TNKS2: variants seen among roughly 807,000 people sequenced by gnomAD.
TNKS2 encodes the protein poly [ADP-ribose] polymerase tankyrase-2.
In TNKS2, 72 loss-of-function variants were observed where a neutral mutation model predicts 137.6. That is an observed-to-expected ratio of 0.52 (90% CI 0.43 to 0.64). The LOEUF (loss-of-function observed/expected upper bound fraction) is 0.64. TNKS2 is among the 30% of genes least tolerant of loss of function. TNKS2 has a pLI of 0.00. For synonymous variants in TNKS2, 516 were observed against 512.1 expected (o/e 1.01, Z -0.10); for missense variants, 1,049 against 1,410.2 (o/e 0.74, Z 4.10).
chr10:91,852,684 C>T (rs931487034), intron 21 of TNKS2, among the ~76,000 whole-genome samples: 2 of 152,226 alleles, frequency 1.3e-5, no homozygotes, highest in African/African-American at 4.8e-5. Context: ...CCTGGCTGTA[C>T]ACCTGGGGTT....
chr10:91,860,221 C>G (rs576357487), intron 25 of TNKS2, among the ~76,000 whole-genome samples: 1 of 152,084 alleles, frequency 6.6e-6, no homozygotes, highest in African/African-American at 2.4e-5. Flanking sequence ...ATTTAAGTAA[C>G]TTGTCCCTAA....
Position 91,817,204 on chromosome 10 carries a change from T to G in TNKS2, c.495T>G (p.Asp165Glu). The change falls in exon 3 of 27, where the codon GAT becomes GAG. Residue 165 changes from aspartate to glutamate, a missense_variant. Physicochemically the swap from Asp to Glu is conservative, Grantham distance 45. Transcript: ENST00000371627. ...TDGRTALDLA[D>E]PSAKAVLTGE... ...GAAGGACAGCATTGGATTTAGCAGA[T>G]CCATCTGCCAAAGCAGTGCTTACTG... 1 of 1,613,538 alleles carries G rather than the reference T, an allele frequency of 6.2e-7. No individual in the cohort carries two copies. Among genetic ancestry groups the G allele is most frequent in the Non-Finnish European group, 8.5e-7 (1 of 1,179,762 alleles).
intron 23 of TNKS2, among the ~76,000 whole-genome samples, chr10:91,856,144 C>CA (rs1288496025): frequency 6.6e-6 from 1 of 151,814 alleles, no homozygotes; most frequent in Non-Finnish European, 1.5e-5. Context: ...TCATCTTTTC[C>CA]AGAAAAATAT....
chr10:91,809,197 A>G (rs912420350), intron 1 of TNKS2, among the ~76,000 whole-genome samples: 1 of 152,216 alleles, frequency 6.6e-6, no homozygotes, highest in South Asian at 2.1e-4. Context: ...GTTTGCTTGC[A>G]TGTATATAAA....
At chr10:91,858,219 AAC>A (rs2133683098) in intron 24 of TNKS2, among the ~76,000 whole-genome samples, 1 of 152,300 alleles carries the variant, frequency 6.6e-6, no homozygotes, top group South Asian at 2.1e-4. Flanking sequence ...AGTTCTCTAA[AAC>A]ACAGTAAATT....
chr10:91,801,577 G>A (rs1193056324), intron 1 of TNKS2, among the ~76,000 whole-genome samples: 4 of 151,900 alleles, frequency 2.6e-5, no homozygotes, highest in East Asian at 1.9e-4. Context: ...GGGTTCGACC[G>A]ATTCTCCTGT....
At chr10:91,799,730 A>G (rs1373466258) in intron 1 of TNKS2, among the ~76,000 whole-genome samples, 1 of 152,252 alleles carries the variant, frequency 6.6e-6, no homozygotes, top group African/African-American at 2.4e-5. Context: ...GCTTATTCCC[A>G]TAAAGCATGC....
chr10:91,819,596 G>T, intron 5 of TNKS2, 39 bp downstream of exon 5: 2 of 1,427,068 alleles, frequency 1.4e-6, no homozygotes, highest in Non-Finnish European at 1.9e-6. Context: ...TTATCTCCTG[G>T]TAACATGAAG....
chr10:91,809,659 CTG>C (rs1485480238), intron 1 of TNKS2, among the ~76,000 whole-genome samples: 9 of 148,182 alleles, frequency 6.1e-5, no homozygotes, highest in Admixed American at 2.7e-4. Context: ...CAGCGGGACT[CTG>C]TCTCAAAAAA....
At chr10:91,835,850 T>G (rs1479620604) in intron 12 of TNKS2, among the ~76,000 whole-genome samples, 1 of 142,682 alleles carries the variant, frequency 7.0e-6, no homozygotes, top group Admixed American at 7.1e-5. Flanking sequence ...TCAAGTAATC[T>G]GTCTGCCTCG....
At chr10:91,852,300 G>C (rs1842563619) in intron 21 of TNKS2, among the ~76,000 whole-genome samples, 1 of 151,642 alleles carries the variant, frequency 6.6e-6, no homozygotes, top group Admixed American at 6.6e-5. Flanking sequence ...GCTCATGTCT[G>C]TAATCCCAGC....
chr10:91,840,776 T>G (rs1447710257), intron 14 of TNKS2, 70 bp downstream of exon 14: 1 of 1,417,632 alleles, frequency 7.1e-7, no homozygotes, highest in Non-Finnish European at 9.6e-7. Flanking sequence ...AACCTGGAAA[T>G]ATAATATGTT....
At chr10:91,825,835 A>G (rs1410294134) in intron 7 of TNKS2, among the ~76,000 whole-genome samples, 3 of 152,278 alleles carry the variant, frequency 2.0e-5, no homozygotes, top group Non-Finnish European at 4.4e-5. Flanking sequence ...CTGGAACTCA[A>G]ACGTTGCCAC....
At chr10:91,862,872 G>A (rs372427792) in intron 26 of TNKS2, 65 bp from the exon 27 acceptor site, 42 of 1,155,664 alleles carry the variant, frequency 3.6e-5, no homozygotes, top group African/African-American at 6.2e-5. Context: ...GAATACTTCC[G>A]GAAAGTCTGT....
chr10:91,804,456 G>A (rs1464238461), intron 1 of TNKS2, among the ~76,000 whole-genome samples: 2 of 152,202 alleles, frequency 1.3e-5, no homozygotes, highest in African/African-American at 4.8e-5. Context: ...TTGAAGTTGA[G>A]TGCTGTTCCA....
intron 7 of TNKS2, among the ~76,000 whole-genome samples, chr10:91,823,859 C>G (rs560128454): frequency 6.6e-6 from 1 of 152,166 alleles, no homozygotes; most frequent in South Asian, 2.1e-4. Flanking sequence ...ATACGTTTTC[C>G]CATAGAAACA....
At chr10:91,831,520 A>G (rs2133635378) in intron 11 of TNKS2, among the ~76,000 whole-genome samples, 1 of 152,230 alleles carries the variant, frequency 6.6e-6, no homozygotes, top group East Asian at 1.9e-4. Flanking sequence ...GGTTGTCATG[A>G]TAACTTCTGT....
intron 1 of TNKS2, among the ~76,000 whole-genome samples, chr10:91,803,369 G>A (rs1014369753): frequency 1.1e-4 from 17 of 151,960 alleles, no homozygotes; most frequent in Non-Finnish European, 5.9e-5. Flanking sequence ...AGAAAAATGA[G>A]CCGGGCATGG....
intron 7 of TNKS2, among the ~76,000 whole-genome samples, chr10:91,825,158 G>A (rs775010373): frequency 6.6e-6 from 1 of 152,104 alleles, no homozygotes; most frequent in African/African-American, 2.4e-5. Flanking sequence ...TTGGAGTGCA[G>A]TGGCACAATC....
Sources: allele counts gnomAD v4.1 joint callset (sites outside exome capture counted in the v4.1 genomes callset), GRCh38; gene constraint gnomAD v4.1.1; transcripts MANE v1.5; gene names NCBI Gene and HGNC (gene_info 2026-07-23, HGNC 2026-07-21).